The following NRXN3 variants were observed in gnomAD, a reference collection of about 807,000 sequenced individuals.
NRXN3 encodes neurexin III.
In NRXN3, 32 loss-of-function variants were observed where a neutral mutation model predicts 137.6. The observed-to-expected ratio is 0.23, with a 90% confidence interval of 0.18 to 0.31. The LOEUF is 0.31. Among genes scored for constraint, NRXN3 ranks in the 10% least tolerant of loss-of-function variants. The pLI is 1.00. For missense variants in NRXN3, 1,574 were observed against 2,062.5 expected, an observed-to-expected ratio of 0.76 and a Z score of 4.59; for synonymous variants, 798 against 784.5, an observed-to-expected ratio of 1.02 and a Z score of -0.29.
intron 4 of NRXN3, among the ~76,000 whole-genome samples, chr14:78,338,273 A>G (rs1380510894): frequency 1.3e-5 from 2 of 152,234 alleles, no homozygotes; most frequent in Non-Finnish European, 2.9e-5. Context: ...TGAAAAAAAC[A>G]AAATTCACTT....
rs564122756 is a variant in NRXN3, at chr14:78,457,382, G to A, written c.757+159522G>A. The stretch of plus-strand genomic sequence containing the variant: ...GTGATGTGGTGTGGGAGTACAGAGC[G>A]AGGATGATGGTGGAAAGATGCAAGG... On this transcript the variant is annotated intron_variant, in intron 4 of 20. Coordinates refer to ENST00000335750, the MANE Select transcript of NRXN3 (RefSeq NM_001330195.2). Among the ~76,000 whole-genome samples, 16 of 152,226 alleles carry A rather than the reference G, an allele frequency of 1.1e-4. No homozygotes were observed. In the South Asian group the frequency reaches 3.1e-3, roughly 30 times the overall value.
chr14:78,980,589 A>G (rs2153044243), intron 14 of NRXN3, among the ~76,000 whole-genome samples: 1 of 152,348 alleles, frequency 6.6e-6, no homozygotes, highest in Middle Eastern at 3.4e-3. Context: ...AGGGTGGATT[A>G]GAGCAGTAAC....
chr14:78,916,524 A>G lies in NRXN3; in HGVS notation c.2276-40718A>G, dbSNP rs917911912. 3.2e-4 allele frequency among the ~76,000 whole-genome samples: 49 copies of G among 152,146 alleles called. 2 individuals carry two copies. Among genetic ancestry groups the G allele is most frequent in the Non-Finnish European group, 2.9e-5 (2 of 68,028 alleles). On this transcript the variant is annotated intron_variant, in intron 10 of 20. Transcript: ENST00000335750. ...TGCTCCAGGGAGAGGGAATCCCAAA[A>G]GCCCTTTGTGGGAGTCCTTCTGTTA...
intron 1 of NRXN3, among the ~76,000 whole-genome samples, chr14:78,222,871 T>C (rs1418937441): frequency 6.6e-6 from 1 of 152,222 alleles, no homozygotes; most frequent in Non-Finnish European, 1.5e-5. Context: ...CATAGCTTTA[T>C]ACCCAGTGCT....
At chr14:79,706,446 T>C (rs1204385178) in intron 19 of NRXN3, among the ~76,000 whole-genome samples, 4 of 147,518 alleles carry the variant, frequency 2.7e-5, no homozygotes, top group Non-Finnish European at 6.0e-5. Flanking sequence ...TTTTGGTCTG[T>C]TGAGAAAAGG....
At chr14:78,893,966 A>G (rs1173842842) in intron 10 of NRXN3, among the ~76,000 whole-genome samples, 1 of 152,072 alleles carries the variant, frequency 6.6e-6, no homozygotes, top group African/African-American at 2.4e-5. Flanking sequence ...ACATACCCTA[A>G]TTATAAGTAT....
chr14:79,266,379 G>A (rs1316715192), intron 15 of NRXN3, among the ~76,000 whole-genome samples: 1 of 151,716 alleles, frequency 6.6e-6, no homozygotes, highest in African/African-American at 2.4e-5. Context: ...AACCTTTAGA[G>A]CCAAATATAT....
At chr14:78,471,302 A>G in intron 4 of NRXN3, among the ~76,000 whole-genome samples, 1 of 33,304 alleles carries the variant, frequency 3.0e-5, no homozygotes, top group South Asian at 1.6e-3. Context: ...ACACACACAC[A>G]CACACACACA....
At chr14:79,286,535 A>AATATATATATATATAT (rs111827205) in intron 15 of NRXN3, among the ~76,000 whole-genome samples, 8 of 139,668 alleles carry the variant, frequency 5.7e-5, no homozygotes, top group South Asian at 4.7e-4. Flanking sequence ...TTGAGAGAAT[A>AATATATATATATATAT]ATATATATAT....
intron 16 of NRXN3, among the ~76,000 whole-genome samples, chr14:79,626,973 C>T (rs981114001): frequency 6.6e-6 from 1 of 152,038 alleles, no homozygotes; most frequent in Non-Finnish European, 1.5e-5. Flanking sequence ...GCTTTCTGAT[C>T]AGAAATCTCG....
chr14:78,775,321 C>A (rs1399784038), intron 8 of NRXN3, among the ~76,000 whole-genome samples: 1 of 152,104 alleles, frequency 6.6e-6, no homozygotes, highest in Non-Finnish European at 1.5e-5. Flanking sequence ...AAAAGCTATC[C>A]CATACTCAGA....
intron 9 of NRXN3, among the ~76,000 whole-genome samples, chr14:78,804,973 A>T (rs891268862): frequency 6.6e-6 from 1 of 152,194 alleles, no homozygotes; most frequent in African/African-American, 2.4e-5. Flanking sequence ...AGAAAAAATG[A>T]TGAACAAATG....
chr14:79,812,345 G>A lies in NRXN3; in HGVS notation c.4093+7155G>A, dbSNP rs541033133. Among the ~76,000 whole-genome samples, 4 of 152,162 alleles carry A rather than the reference G, an allele frequency of 2.6e-5. No individual in the cohort carries two copies. The South Asian group carries it at 6.2e-4, about 24-fold the overall frequency. ...AAAAGTATTTTGCTTCAGAAATATCGCTTCCAGAAGTTCAGTTTATTAGGA... is the reference window on the plus strand; with the variant it reads ...AAAAGTATTTTGCTTCAGAAATATCACTTCCAGAAGTTCAGTTTATTAGGA... On this transcript the variant is annotated intron_variant, in intron 20 of 20. Coordinates refer to ENST00000335750, the MANE Select transcript of NRXN3 (RefSeq NM_001330195.2).
chr14:78,265,084 A>T (rs529094432), intron 2 of NRXN3, among the ~76,000 whole-genome samples: 2 of 152,140 alleles, frequency 1.3e-5, no homozygotes, highest in Non-Finnish European at 2.9e-5. Flanking sequence ...CCACTGCCGT[A>T]CTCTTTTTCT....
intron 4 of NRXN3, among the ~76,000 whole-genome samples, chr14:78,383,694 T>C (rs1370065409): frequency 1.3e-5 from 2 of 152,204 alleles, no homozygotes; most frequent in Non-Finnish European, 2.9e-5. Flanking sequence ...TGGCAACTAA[T>C]GAATTAGCCA....
At chr14:79,700,435 GTCC>G (rs1181922985) in intron 19 of NRXN3, among the ~76,000 whole-genome samples, 1 of 151,994 alleles carries the variant, frequency 6.6e-6, no homozygotes, top group Non-Finnish European at 1.5e-5. Context: ...CCACTGTTCT[GTCC>G]TCTTTTGCTA....
At chr14:79,165,968 C>A (rs2061248005) in intron 15 of NRXN3, among the ~76,000 whole-genome samples, 1 of 151,962 alleles carries the variant, frequency 6.6e-6, no homozygotes. Context: ...AAATGATTTA[C>A]AAATGGCCAT....
At position 79,842,132 on chromosome 14, in the gene NRXN3, A is replaced by G. The variant is rs546810038; in HGVS notation, c.4094-19210A>G. ...AGCAGTGATCTCCTGAGTTATTACT[A>G]TGTGCCTGGCGCTGTTCTGTGGACT... On this transcript the variant is annotated intron_variant, in intron 20 of 20. Coordinates refer to ENST00000335750, the MANE Select transcript of NRXN3 (RefSeq NM_001330195.2). Among the ~76,000 whole-genome samples, 4 of 152,302 alleles carry G rather than the reference A, an allele frequency of 2.6e-5. No homozygotes were observed. The East Asian group carries it at 7.7e-4, about 29-fold the overall frequency.
intron 16 of NRXN3, among the ~76,000 whole-genome samples, chr14:79,477,792 A>G (rs1411447319): frequency 1.3e-5 from 2 of 152,100 alleles, no homozygotes; most frequent in Admixed American, 6.6e-5. Flanking sequence ...TGCATATAGG[A>G]AGGTAATGAG....
Sources: gnomAD v4.1 joint callset for allele counts (sites outside exome capture counted in the v4.1 genomes callset) on GRCh38, gnomAD v4.1.1 for gene constraint, MANE v1.5 for transcripts, NCBI Gene and HGNC (gene_info 2026-07-23, HGNC 2026-07-21) for gene names.